The following DAB1 variants were observed in gnomAD, a reference collection of about 807,000 sequenced individuals.
DAB1 encodes DAB adaptor protein 1.
DAB1 carries 15 observed loss-of-function variants against 64.6 expected under a neutral mutation model. The ratio of observed to expected loss-of-function variants is 0.23; its 90% CI spans 0.16 to 0.36. The LOEUF (loss-of-function observed/expected upper bound fraction) is 0.36, where lower values mean the gene tolerates loss of function less well. Among genes scored for constraint, DAB1 ranks in the 10% least tolerant of loss-of-function variants. The pLI, the probability that DAB1 is intolerant of heterozygous loss-of-function variation, is 1.00. For synonymous variants in DAB1, 235 were observed against 251.9 expected (o/e 0.93, Z 0.64); for missense variants, 596 against 706.7 (o/e 0.84, Z 1.78).
chr1:57,647,017 C>T (rs185292406), intron 7 of DAB1, among the ~76,000 whole-genome samples: 1 of 152,158 alleles, frequency 6.6e-6, no homozygotes, highest in East Asian at 1.9e-4. Context: ...TCATTGAGCT[C>T]CTTGTGGGGA....
intron 3 of DAB1, among the ~76,000 whole-genome samples, chr1:58,368,742 A>G (rs539263227): frequency 1.1e-4 from 16 of 152,246 alleles, no homozygotes; most frequent in African/African-American, 3.6e-4. Context: ...AACTGCCAGT[A>G]TCTGCAACTC....
chr1:57,074,852 A>C (rs1050392662), intron 4 of DAB1, among the ~76,000 whole-genome samples: 1 of 152,170 alleles, frequency 6.6e-6, no homozygotes, highest in African/African-American at 2.4e-5. Context: ...GGACCCATTA[A>C]TTTTTGTTTT....
intron 1 of DAB1, among the ~76,000 whole-genome samples, chr1:57,298,481 T>C (rs1258105298): frequency 6.6e-6 from 1 of 152,088 alleles, no homozygotes; most frequent in Non-Finnish European, 1.5e-5. Flanking sequence ...CTCACAAAAC[T>C]GATAGATTGA....
rs1645693690 is a variant in DAB1, at chr1:56,997,960, C to T, written c.*184G>A. On this transcript the variant is annotated 3_prime_UTR_variant, in exon 15 of 15. Coordinates refer to ENST00000371236, the MANE Select transcript of DAB1 (RefSeq NM_001365792.1). ...TGCCAAAAATGCTTAGTTCCCTCTT[C>T]TGAGCGAGTTCCATTGGGCAATCAT... 1 of 152,590 alleles carries T rather than the reference C, an allele frequency of 6.6e-6. No individual in the cohort carries two copies. The highest frequency in any genetic ancestry group is 1.5e-5 in the Non-Finnish European group (1 of 68,036). 9.5% of individuals were successfully genotyped at this position (152,590 alleles called of 1,614,324 possible). A position where few individuals can be genotyped will look rare whatever the true frequency, so the allele number is the denominator to read the frequency against.
chr1:57,586,260 C>T (rs1037249847), intron 7 of DAB1, among the ~76,000 whole-genome samples: 6 of 152,076 alleles, frequency 3.9e-5, no homozygotes, highest in Non-Finnish European at 8.8e-5. Flanking sequence ...CAGCTAACTA[C>T]CTCCTCTTCT....
At chr1:57,141,015 T>C (rs542453677) in intron 3 of DAB1, among the ~76,000 whole-genome samples, 3 of 152,288 alleles carry the variant, frequency 2.0e-5, no homozygotes, top group Non-Finnish European at 4.4e-5. Flanking sequence ...CCAGGGAACA[T>C]GTAAAACATA....
intron 3 of DAB1, among the ~76,000 whole-genome samples, chr1:58,414,701 G>A (rs748239544): frequency 3.3e-5 from 5 of 151,536 alleles, no homozygotes; most frequent in Non-Finnish European, 7.4e-5. Context: ...TTTTAAAGAT[G>A]AGAAAAAAAG....
At chr1:57,425,517 C>T (rs1271797455), upstream of DAB1, among the ~76,000 whole-genome samples, 2 of 152,168 alleles carry the variant, frequency 1.3e-5, no homozygotes, top group African/African-American at 4.8e-5. Flanking sequence ...TCAAGAGACC[C>T]TCCCTTTCTC....
intron 4 of DAB1, among the ~76,000 whole-genome samples, chr1:57,092,159 T>A (rs1653743136): frequency 6.6e-6 from 1 of 152,232 alleles, no homozygotes; most frequent in Admixed American, 6.5e-5. Flanking sequence ...GGGACATTGG[T>A]TCTCACCATT....
chr1:58,247,264 C>CCT (rs1461020980), intron 4 of DAB1, among the ~76,000 whole-genome samples: 2 of 117,804 alleles, frequency 1.7e-5, no homozygotes, highest in East Asian at 5.9e-4. Flanking sequence ...CATTTCCCCC[C>CCT]CCGCCAGGTT....
At chr1:57,431,153 A>AG (rs1558372173) in intron 7 of DAB1, among the ~76,000 whole-genome samples, 1 of 151,500 alleles carries the variant, frequency 6.6e-6, no homozygotes, top group Non-Finnish European at 1.5e-5. Flanking sequence ...CAAAAAAAAA[A>AG]AAAAGAAAAA....
intron 5 of DAB1, among the ~76,000 whole-genome samples, chr1:58,052,343 T>C (rs1647730242): frequency 6.6e-6 from 1 of 152,208 alleles, no homozygotes; most frequent in South Asian, 2.1e-4. Flanking sequence ...TTGTCAAAGA[T>C]CAGATGGTTG....
At position 57,922,418 on chromosome 1, in the gene DAB1, T is replaced by C. The variant is rs1199574954; in HGVS notation, n.388-38256A>G. On this transcript the variant is annotated intron_variant and non_coding_transcript_variant, in intron 5 of 20. Transcript: ENST00000485760. ...GGAGGGGAAGAAGGAAGGGAGGAAG[T>C]TTAGGAATCATTGTACAAGAGAGAA... is the stretch of plus-strand genomic sequence containing the variant. Among the ~76,000 whole-genome samples, 6 of 151,534 alleles carry C rather than the reference T, an allele frequency of 4.0e-5. No individual in the cohort carries two copies. The East Asian group carries it at 5.8e-4, about 15-fold the overall frequency.
intron 6 of DAB1, among the ~76,000 whole-genome samples, chr1:57,785,425 A>G (rs1650296054): frequency 6.6e-6 from 1 of 152,220 alleles, no homozygotes; most frequent in African/African-American, 2.4e-5. Flanking sequence ...AAGTGAATTG[A>G]AACCCTTCTG....
intron 1 of DAB1, among the ~76,000 whole-genome samples, chr1:57,837,828 G>A (rs1407971732): frequency 4.5e-5 from 1 of 22,468 alleles, no homozygotes; most frequent in Non-Finnish European, 9.0e-5. Flanking sequence ...CACTACCTCC[G>A]CCCCCACCAC....
At chr1:57,370,102 C>T (rs750411088) in intron 1 of DAB1, among the ~76,000 whole-genome samples, 1 of 152,160 alleles carries the variant, frequency 6.6e-6, no homozygotes, top group African/African-American at 2.4e-5. Flanking sequence ...ACAGCCCAAC[C>T]ACACCACCTT....
chr1:57,416,044 A>T (rs1211104729), intron 1 of DAB1, among the ~76,000 whole-genome samples: 1 of 152,164 alleles, frequency 6.6e-6, no homozygotes, highest in Non-Finnish European at 1.5e-5. Context: ...CACAGCCATG[A>T]TTTTGTACCA....
intron 1 of DAB1, chr1:58,533,861 A>G (rs1487072711): frequency 1.3e-6 from 1 of 766,608 alleles, no homozygotes; most frequent in Non-Finnish European, 2.3e-6. Flanking sequence ...ATCATTTTTA[A>G]AAAACCTGAA....
intron 1 of DAB1, among the ~76,000 whole-genome samples, chr1:57,306,194 A>C (rs1570231411): frequency 2.0e-5 from 3 of 152,162 alleles, no homozygotes; most frequent in Non-Finnish European, 2.9e-5. Flanking sequence ...ATCCAGATCT[A>C]GAACCCAAGT....
Sources: gnomAD v4.1 joint callset for allele counts (sites outside exome capture counted in the v4.1 genomes callset) on GRCh38, gnomAD v4.1.1 for gene constraint, MANE v1.5 for transcripts, NCBI Gene and HGNC (gene_info 2026-07-23, HGNC 2026-07-21) for gene names.